The following LRRC69 variants were observed in gnomAD, a reference collection of about 807,000 sequenced individuals.
LRRC69 encodes leucine rich repeat containing 69.
In LRRC69, 42 loss-of-function variants were observed where a neutral mutation model predicts 37.8. The ratio of observed to expected loss-of-function variants is 1.11; its 90% confidence interval spans 0.87 to 1.44. The LOEUF (loss-of-function observed/expected upper bound fraction) is 1.44. Ranked by LOEUF, LRRC69 falls within the 40% of genes most tolerant of loss-of-function variation. LRRC69 has a pLI of 0.00. For missense variants in LRRC69, 357 were observed against 401.9 expected, an observed-to-expected ratio of 0.89 and a Z score of 0.96; for synonymous variants, 141 against 143.1, an observed-to-expected ratio of 0.99 and a Z score of 0.11.
At chr8:91,106,817 A>G (rs1030844394) in intron 1 of LRRC69, among the ~76,000 whole-genome samples, 2 of 151,758 alleles carry the variant, frequency 1.3e-5, no homozygotes, top group Admixed American at 6.6e-5. Context: ...TTTAAGAGAC[A>G]GGTCCTGCTC....
intron 1 of LRRC69, among the ~76,000 whole-genome samples, chr8:91,107,503 A>G (rs1182598614): frequency 6.6e-6 from 1 of 152,020 alleles, no homozygotes; most frequent in Non-Finnish European, 1.5e-5. Context: ...CCAAGGATAT[A>G]GATGTGTACA....
chr8:91,218,544 T>C (rs781063310), intron 7 of LRRC69, among the ~76,000 whole-genome samples: 9 of 152,180 alleles, frequency 5.9e-5, no homozygotes, highest in Non-Finnish European at 7.4e-5. Flanking sequence ...ATTTGCTGAT[T>C]GATCAATTTA....
intron 1 of LRRC69, among the ~76,000 whole-genome samples, chr8:91,107,198 G>A (rs895785785): frequency 1.3e-5 from 2 of 151,670 alleles, no homozygotes; most frequent in African/African-American, 4.8e-5. Flanking sequence ...GCAGTGGCGT[G>A]ATCTCGGCTC....
chr8:91,133,008 A>T (rs1392219220), intron 3 of LRRC69, 102 bp from the exon 4 acceptor site: 4 of 665,496 alleles, frequency 6.0e-6, no homozygotes, highest in Non-Finnish European at 9.5e-6. Flanking sequence ...GAAGAGCTAC[A>T]AAAAATAAAT....
intron 1 of LRRC69, among the ~76,000 whole-genome samples, chr8:91,113,476 C>T (rs1283658052): frequency 6.6e-6 from 1 of 151,932 alleles, no homozygotes; most frequent in Non-Finnish European, 1.5e-5. Context: ...AGGATAGTGT[C>T]TTCAATAAAT....
intron 1 of LRRC69, among the ~76,000 whole-genome samples, chr8:91,113,064 G>A (rs947141326): frequency 6.6e-6 from 1 of 151,858 alleles, no homozygotes; most frequent in Admixed American, 6.6e-5. Flanking sequence ...AAAGGAAGTT[G>A]AAAAAGATAC....
rs895797364 is a variant in LRRC69 at position 91,141,589 on chromosome 8, T to A, written c.651+5850T>A. On this transcript the variant is annotated intron_variant, in intron 5 of 7. Transcript: ENST00000448384. ...TACCTTCTCTGTTGCCAAGCTCTCTTCTAATCTGGGGAAGTAAATGAAGAA... is the reference window on the plus strand; with the variant it reads ...TACCTTCTCTGTTGCCAAGCTCTCTACTAATCTGGGGAAGTAAATGAAGAA... 2.0e-5 allele frequency among the ~76,000 whole-genome samples: 3 copies of A among 152,088 alleles called. No homozygotes were observed. The South Asian group carries it at 6.2e-4, about 31-fold the overall frequency.
chr8:91,137,813 G>T (rs539250640), intron 5 of LRRC69, among the ~76,000 whole-genome samples: 1 of 152,092 alleles, frequency 6.6e-6, no homozygotes, highest in Non-Finnish European at 1.5e-5. Flanking sequence ...GGCACAACTG[G>T]TGGACCTAGA....
At chr8:91,111,564 A>T (rs951789050) in intron 1 of LRRC69, among the ~76,000 whole-genome samples, 4 of 151,966 alleles carry the variant, frequency 2.6e-5, no homozygotes, top group African/African-American at 9.7e-5. Context: ...TAAAAATGAG[A>T]TTATGTCCTT....
intron 5 of LRRC69, among the ~76,000 whole-genome samples, chr8:91,141,881 G>A (rs1808538750): frequency 6.6e-6 from 1 of 151,852 alleles, no homozygotes; most frequent in African/African-American, 2.4e-5. Flanking sequence ...GATGGGGAAA[G>A]AAAAAACATT....
chr8:91,198,743 A>T (rs771531186), intron 6 of LRRC69, among the ~76,000 whole-genome samples: 1 of 152,138 alleles, frequency 6.6e-6, no homozygotes, highest in South Asian at 2.1e-4. Context: ...CTTGACTTTT[A>T]AATAACACTG....
intron 5 of LRRC69, among the ~76,000 whole-genome samples, chr8:91,167,179 CAT>C (rs1809044984): frequency 6.6e-6 from 1 of 151,828 alleles, no homozygotes; most frequent in South Asian, 2.1e-4. Flanking sequence ...TTAATAAAGA[CAT>C]ACCCGAGACT....
intron 5 of LRRC69, among the ~76,000 whole-genome samples, chr8:91,174,176 A>G (rs1461125603): frequency 6.6e-6 from 1 of 151,840 alleles, no homozygotes; most frequent in Non-Finnish European, 1.5e-5. Flanking sequence ...TAATATGTTC[A>G]TAGAGGCTGT....
In LRRC69 at chr8:91,117,718, CA is replaced by C. The variant is rs1011122912; in HGVS notation, c.184-6773del. Among the ~76,000 whole-genome samples, 17 of 151,898 alleles carry C rather than the reference CA, an allele frequency of 1.1e-4. 1 individual carries two copies. The highest frequency in any genetic ancestry group is 1.9e-4 in the Non-Finnish European group (13 of 67,994). Reference sequence around the variant, plus strand: ...ACAGACAAAACTAATTATGCACCAACAATGTGCCTTGTTGCTGAAAGAGTAC... The same window carrying C: ...ACAGACAAAACTAATTATGCACCAACATGTGCCTTGTTGCTGAAAGAGTAC... On this transcript the variant is annotated intron_variant, in intron 1 of 7. Transcript: ENST00000448384.
chr8:91,135,714 ATAT>A (rs1813901264), exon 5 of LRRC69: 3 of 1,457,612 alleles, frequency 2.1e-6, no homozygotes, highest in South Asian at 1.4e-5. Flanking sequence ...ATAGCTGGAA[ATAT>A]TATTCAGATA....
rs1320768703 is a variant in LRRC69, at chr8:91,188,831, TTC to T, written c.652-689_652-688del. Among the ~76,000 whole-genome samples, 22 of 151,992 alleles carry T rather than the reference TTC, an allele frequency of 1.4e-4. No homozygotes were observed. The South Asian group carries it at 4.6e-3, about 32-fold the overall frequency. On this transcript the variant is annotated intron_variant, in intron 5 of 7. Transcript: ENST00000448384. ...CCTTGTGAACTGTATATCTTCCGTC[TTC>T]TGTTTTTTTTTTTTTTTCCCCTCAC...
intron 5 of LRRC69, among the ~76,000 whole-genome samples, chr8:91,151,331 G>A (rs529581946): frequency 8.6e-5 from 13 of 150,984 alleles, no homozygotes; most frequent in South Asian, 2.1e-4. Context: ...TTCTGCCTTC[G>A]TTTCATTATG....
exon 1 of LRRC69, chr8:91,102,809 C>T (rs1739499814): frequency 1.9e-6 from 3 of 1,551,188 alleles, no homozygotes; most frequent in Non-Finnish European, 2.6e-6. Flanking sequence ...TAACCTAATC[C>T]CCAAAGTGTG....
At chr8:91,157,984 T>C (rs1808866928) in intron 5 of LRRC69, 4 of 1,358,788 alleles carry the variant, frequency 2.9e-6, no homozygotes, top group Admixed American at 1.7e-5. Flanking sequence ...AAGAAGAACA[T>C]CTGGGAATTC....
Sources: gnomAD v4.1 joint callset for allele counts (sites outside exome capture counted in the v4.1 genomes callset) on GRCh38, gnomAD v4.1.1 for gene constraint, MANE v1.5 for transcripts, NCBI Gene and HGNC (gene_info 2026-07-23, HGNC 2026-07-21) for gene names.